The following DESI1 variants were observed in gnomAD, a reference collection of about 807,000 sequenced individuals.
DESI1 encodes PPPDE peptidase domain containing 2.
DESI1 carries 17 observed loss-of-function variants against 22.4 expected under a neutral mutation model. The observed-to-expected ratio is 0.76, with a 90% CI of 0.52 to 1.14. The LOEUF (loss-of-function observed/expected upper bound fraction) is 1.14, where lower values mean the gene tolerates loss of function less well. Ranked by LOEUF, DESI1 falls within the 50% of genes most tolerant of loss-of-function variation. DESI1 has a pLI of 0.00. For synonymous variants in DESI1, 92 were observed against 84.2 expected (o/e 1.09, Z -0.51); for missense variants, 177 against 208.9 (o/e 0.85, Z 0.94).
chr22:41,613,282 T>C (rs191584492), intron 1 of DESI1, among the ~76,000 whole-genome samples: 10 of 152,238 alleles, frequency 6.6e-5, no homozygotes, highest in South Asian at 2.1e-4. Flanking sequence ...AAAAGCATAA[T>C]AACACTGCCT....
intron 1 of DESI1, among the ~76,000 whole-genome samples, chr22:41,614,315 G>A (rs1218856353): frequency 6.6e-6 from 1 of 151,834 alleles, no homozygotes; most frequent in African/African-American, 2.4e-5. Flanking sequence ...GGATTACAGG[G>A]GTTAACCACT....
chr22:41,619,016 A>G (rs945731426), intron 1 of DESI1, among the ~76,000 whole-genome samples: 17 of 151,942 alleles, frequency 1.1e-4, no homozygotes, highest in African/African-American at 4.1e-4. Flanking sequence ...GTGAGCCTAG[A>G]TCGTGCCACT....
At position 41,603,374 on chromosome 22, in the gene DESI1, C is replaced by G. The variant is rs762411299; in HGVS notation, c.298G>C (p.Ala100Pro). The G allele has an allele frequency of 6.8e-6, 11 of 1,614,192 alleles. No homozygotes were observed. In the Admixed American group the frequency reaches 1.8e-4, roughly 27 times the overall value. Residue 100 changes from alanine (A) to proline (P), a missense_variant, in exon 5 of 6, where the codon GCC becomes CCC. Transcript: ENST00000263256. ...SLGESLFRGE[A>P]YNLFEHNCNT... ...CAATTGTGTTCAAAGAGGTTGTAGG[C>G]CTCACCTCTGTACATTGAAAGGTTT...
chr22:41,610,267 T>G (rs1217673102), intron 1 of DESI1, among the ~76,000 whole-genome samples: 3 of 150,944 alleles, frequency 2.0e-5, no homozygotes, highest in Non-Finnish European at 2.9e-5. Flanking sequence ...TAATCCCAGC[T>G]ACTCGGGAAG....
intron 3 of DESI1, 81 bp from the exon 4 acceptor site, chr22:41,604,234 A>C: frequency 9.0e-7 from 1 of 1,116,160 alleles, no homozygotes; most frequent in Non-Finnish European, 1.3e-6. Flanking sequence ...AGTAGACCAC[A>C]AACACTCTGT....
intron 1 of DESI1, among the ~76,000 whole-genome samples, chr22:41,608,294 G>A (rs1473903450): frequency 2.0e-5 from 3 of 152,166 alleles, no homozygotes; most frequent in African/African-American, 7.2e-5. Flanking sequence ...GTTAAAGCAC[G>A]TTATTCTACC....
intron 3 of DESI1, among the ~76,000 whole-genome samples, chr22:41,604,928 G>T (rs2067470491): frequency 6.6e-6 from 1 of 152,034 alleles, no homozygotes; most frequent in East Asian, 1.9e-4. Flanking sequence ...TGTTTCTAGA[G>T]GGGAGGGGGG....
intron 1 of DESI1, among the ~76,000 whole-genome samples, chr22:41,620,339 G>T (rs2067578962): frequency 6.6e-6 from 1 of 152,056 alleles, no homozygotes; most frequent in South Asian, 2.1e-4. Flanking sequence ...TCACCACGAG[G>T]GGCACCGCGC....
intron 1 of DESI1, among the ~76,000 whole-genome samples, chr22:41,615,597 A>G (rs1056042655): frequency 2.0e-5 from 3 of 152,242 alleles, no homozygotes; most frequent in Admixed American, 2.0e-4. Context: ...ATGGCATTAA[A>G]ACAGAAAAAA....
At chr22:41,609,183 C>T (rs1327771099) in intron 1 of DESI1, among the ~76,000 whole-genome samples, 1 of 152,084 alleles carries the variant, frequency 6.6e-6, no homozygotes, top group Non-Finnish European at 1.5e-5. Context: ...CTCAAGTGAT[C>T]CACCTGCCTC....
chr22:41,601,406 T>G (rs2067449311), intron 5 of DESI1, among the ~76,000 whole-genome samples: 1 of 152,240 alleles, frequency 6.6e-6, no homozygotes, highest in African/African-American at 2.4e-5. Context: ...TAGCCTGCTC[T>G]GTATTTTTAT....
intron 5 of DESI1, 62 bp from the exon 6 acceptor site, chr22:41,601,252 C>T (rs2067448519): frequency 2.0e-6 from 3 of 1,475,288 alleles, no homozygotes; most frequent in Non-Finnish European, 2.7e-6. Flanking sequence ...GTCACACACC[C>T]TGTGCTGCCC....
chr22:41,615,249 G>A (rs1327472210), intron 1 of DESI1, among the ~76,000 whole-genome samples: 2 of 139,372 alleles, frequency 1.4e-5, no homozygotes, highest in Non-Finnish European at 3.1e-5. Flanking sequence ...CTAACACGGT[G>A]AAACCCCGTC....
At chr22:41,620,345 C>T (rs777265962) in intron 1 of DESI1, among the ~76,000 whole-genome samples, 1 of 152,074 alleles carries the variant, frequency 6.6e-6, no homozygotes, top group African/African-American at 2.4e-5. Flanking sequence ...CGAGGGGCAC[C>T]GCGCGGCAGG....
chr22:41,600,947 C>T lies in DESI1; in HGVS notation c.*150G>A, dbSNP rs377448041. On this transcript the variant is annotated 3_prime_UTR_variant, in exon 6 of 6. Coordinates refer to ENST00000263256, the MANE Select transcript of DESI1 (RefSeq NM_015704.3). ...GTTTCTTAGCAGCATTGTCTACATG[C>T]GGCCTGACGGTCTCCTTCCCTGGGA... is the stretch of plus-strand genomic sequence containing the variant. 1.5e-5 allele frequency: 10 copies of T among 685,956 alleles called. No homozygotes were observed. The highest frequency in any genetic ancestry group is 8.9e-5 in the South Asian group (5 of 56,182). The allele number at this position is 685,956 out of a possible 1,614,324, so 42.5% of individuals were successfully genotyped here.
intron 1 of DESI1, among the ~76,000 whole-genome samples, chr22:41,614,021 T>C (rs1312782765): frequency 6.6e-6 from 1 of 151,824 alleles, no homozygotes; most frequent in Non-Finnish European, 1.5e-5. Context: ...AGAAAAAAGA[T>C]CCCCTTATTT....
chr22:41,600,084 CAGG>C lies in DESI1; in HGVS notation c.*1010_*1012del, dbSNP rs1015726362. On this transcript the variant is annotated 3_prime_UTR_variant, in exon 6 of 6. Coordinates refer to ENST00000263256, the MANE Select transcript of DESI1 (RefSeq NM_015704.3). ...ATCCCAGCTACTCAGGAGGCTGAGG[CAGG>C]AGAACCACTTGAACCCGGGAGGCAG... The C allele has an allele frequency of 2.6e-5, 4 of 152,052 alleles. No individual in the cohort carries two copies. The highest frequency in any genetic ancestry group is 7.2e-5 in the African/African-American group (3 of 41,440). 9.4% of individuals were successfully genotyped at this position (152,052 alleles called of 1,614,324 possible).
At chr22:41,620,659 C>G (rs2067583066) in intron 1 of DESI1, 93 bp downstream of exon 1, 2 of 1,262,342 alleles carry the variant, frequency 1.6e-6, no homozygotes, top group Admixed American at 2.3e-5. Context: ...TGTGTCTCCC[C>G]GTGAGTCGTG....
chr22:41,610,344 T>C (rs2067509642), intron 1 of DESI1, among the ~76,000 whole-genome samples: 2 of 151,382 alleles, frequency 1.3e-5, no homozygotes, highest in South Asian at 4.2e-4. Context: ...GTGCCACTAC[T>C]GTACTCCAGC....
Sources: gnomAD v4.1 joint callset for allele counts (sites outside exome capture counted in the v4.1 genomes callset) on GRCh38, gnomAD v4.1.1 for gene constraint, MANE v1.5 for transcripts, NCBI Gene and HGNC (gene_info 2026-07-23, HGNC 2026-07-21) for gene names.